Variants in PLXNA4 observed in about 807,000 individuals in gnomAD.
PLXNA4 encodes plexin A4.
Under a neutral mutation model 191.8 loss-of-function variants are expected in PLXNA4, and 44 were observed. The ratio of observed to expected loss-of-function variants is 0.23; its 90% confidence interval spans 0.18 to 0.29. The LOEUF (loss-of-function observed/expected upper bound fraction) is 0.29, where lower values mean the gene tolerates loss of function less well. Ranked by LOEUF, PLXNA4 falls within the 10% of genes least tolerant of loss-of-function variation. The probability of loss-of-function intolerance (pLI) is 1.00; values close to 1 mark genes in which losing one functional copy is unlikely to be tolerated. For missense variants in PLXNA4, 1,800 were observed against 2,488.8 expected, an observed-to-expected ratio of 0.72 and a Z score of 5.89; for synonymous variants, 1,082 against 1,009.5, an observed-to-expected ratio of 1.07 and a Z score of -1.36.
At position 132,185,361 on chromosome 7, in the gene PLXNA4, C is replaced by G; in HGVS notation, c.3096G>C (p.Leu1032=). 1 of 1,614,068 alleles carries G rather than the reference C, an allele frequency of 6.2e-7. No individual in the cohort carries two copies. Among genetic ancestry groups the G allele is most frequent in the South Asian group, 1.1e-5 (1 of 91,066 alleles). ...QVDRAKIHQD[L]VFQYVEDPTI... is the part of the protein sequence containing the mutation. ...TGGGGTCTTCCACATACTGAAAGAC[C>G]AGGTCCTGGTGGATCTTGGCCCTGT... Residue 1032 remains leucine, a synonymous_variant, in exon 16 of 32, where the codon CTG becomes CTC. Coordinates refer to ENST00000321063, the MANE Select transcript of PLXNA4 (RefSeq NM_020911.2).
intron 14 of PLXNA4, among the ~76,000 whole-genome samples, chr7:132,193,302 G>A (rs1035871507): frequency 2.0e-5 from 3 of 152,182 alleles, no homozygotes; most frequent in African/African-American, 7.2e-5. Flanking sequence ...TTTCTGCCAC[G>A]AGGTGACGCA....
At chr7:132,136,543 C>T (rs775661864) in intron 30 of PLXNA4, among the ~76,000 whole-genome samples, 2 of 152,306 alleles carry the variant, frequency 1.3e-5, no homozygotes, top group South Asian at 2.1e-4. Flanking sequence ...GTCCTGACAT[C>T]AGGCCTCTGG....
At chr7:132,224,491 T>C (rs981010359) in intron 8 of PLXNA4, among the ~76,000 whole-genome samples, 55 of 152,312 alleles carry the variant, frequency 3.6e-4, no homozygotes, top group Admixed American at 2.0e-3. Context: ...TCTACTAGTC[T>C]GTAGGCCATC....
chr7:132,291,165 C>T (rs534098440), intron 4 of PLXNA4, among the ~76,000 whole-genome samples: 4 of 152,264 alleles, frequency 2.6e-5, no homozygotes, highest in Non-Finnish European at 4.4e-5. Context: ...TGTCACATGC[C>T]GTCTCTGGCC....
intron 2 of PLXNA4, among the ~76,000 whole-genome samples, chr7:132,643,431 C>T (rs1031997672): frequency 3.3e-5 from 5 of 151,666 alleles, no homozygotes; most frequent in Non-Finnish European, 7.4e-5. Flanking sequence ...CCCCACCCCA[C>T]ACGAAGCAGC....
chr7:132,417,519 T>C (rs1265104399), intron 3 of PLXNA4, among the ~76,000 whole-genome samples: 1 of 152,194 alleles, frequency 6.6e-6, no homozygotes, highest in Admixed American at 6.5e-5. Flanking sequence ...GTTCACAAAT[T>C]CCTTGAGGGC....
chr7:132,311,819 G>A (rs1801754455), intron 3 of PLXNA4, among the ~76,000 whole-genome samples: 1 of 152,162 alleles, frequency 6.6e-6, no homozygotes. Context: ...TTTACAGTCA[G>A]AAAATCTGTT....
intron 30 of PLXNA4, among the ~76,000 whole-genome samples, chr7:132,139,934 G>GCTTGGCGTATGT (rs1483750084): frequency 1.3e-5 from 2 of 152,238 alleles, no homozygotes; most frequent in African/African-American, 4.8e-5. Flanking sequence ...GGCGTATGGA[G>GCTTGGCGTATGT]CTGATGTGGC....
At chr7:132,394,799 G>A (rs1268362578) in intron 3 of PLXNA4, among the ~76,000 whole-genome samples, 3 of 152,200 alleles carry the variant, frequency 2.0e-5, no homozygotes, top group Non-Finnish European at 4.4e-5. Context: ...GGAAGCTGCT[G>A]GTCCACCCAC....
chr7:132,234,596 T>TTGTGTGTGTGTGTGTGTGTG (rs60249306), intron 5 of PLXNA4, among the ~76,000 whole-genome samples: 22 of 144,248 alleles, frequency 1.5e-4, no homozygotes, highest in East Asian at 8.4e-4. Flanking sequence ...AGCATGTGTT[T>TTGTGTGTGTGTGTGTGTGTG]TGTGTGTGTG....
intron 3 of PLXNA4, among the ~76,000 whole-genome samples, chr7:132,483,090 G>T (rs1407828195): frequency 6.6e-6 from 1 of 152,128 alleles, no homozygotes; most frequent in Non-Finnish European, 1.5e-5. Context: ...AAGCCCAGTG[G>T]ACACATTCCC....
intron 1 of PLXNA4, among the ~76,000 whole-genome samples, chr7:132,646,317 C>T (rs1447571205): frequency 2.0e-5 from 3 of 152,170 alleles, no homozygotes; most frequent in African/African-American, 2.4e-5. Context: ...TCAGTCTCTT[C>T]CACTCAGAAC....
At chr7:132,309,742 G>T (rs1801657567) in intron 3 of PLXNA4, among the ~76,000 whole-genome samples, 1 of 152,140 alleles carries the variant, frequency 6.6e-6, no homozygotes, top group Non-Finnish European at 1.5e-5. Context: ...GAGGCCCAAA[G>T]AAAACAGAAG....
chr7:132,571,825 T>TTCAC (rs750408968), intron 1 of PLXNA4, among the ~76,000 whole-genome samples: 2 of 152,156 alleles, frequency 1.3e-5, no homozygotes, highest in Non-Finnish European at 2.9e-5. Flanking sequence ...AGATGGGAAC[T>TTCAC]TCACTCATTC....
chr7:132,194,379 G>T (rs1187972996), intron 13 of PLXNA4, among the ~76,000 whole-genome samples, 200 bp from the exon 14 acceptor site: 1 of 152,206 alleles, frequency 6.6e-6, no homozygotes, highest in East Asian at 1.9e-4. Flanking sequence ...CTGACCTATG[G>T]GATCTCCTTT....
At chr7:132,437,779 T>A (rs983384177) in intron 3 of PLXNA4, among the ~76,000 whole-genome samples, 7 of 152,012 alleles carry the variant, frequency 4.6e-5, no homozygotes, top group African/African-American at 1.7e-4. Context: ...CACAGCAACA[T>A]GAGTACACAC....
chr7:132,212,534 T>C (rs1797836636), intron 9 of PLXNA4, among the ~76,000 whole-genome samples: 1 of 152,190 alleles, frequency 6.6e-6, no homozygotes, highest in Non-Finnish European at 1.5e-5. Context: ...TGAAACTCAA[T>C]TTCCTTATCT....
chr7:132,395,333 A>G (rs936214488), intron 3 of PLXNA4, among the ~76,000 whole-genome samples: 1 of 152,134 alleles, frequency 6.6e-6, no homozygotes, highest in African/African-American at 2.4e-5. Flanking sequence ...GGCAGAAAGG[A>G]AGATGAGGAG....
At chr7:132,567,651 T>G (rs1801795158) in intron 1 of PLXNA4, among the ~76,000 whole-genome samples, 1 of 152,214 alleles carries the variant, frequency 6.6e-6, no homozygotes, top group African/African-American at 2.4e-5. Context: ...AGCAAATATT[T>G]ATCAATTGCT....
Sources: gnomAD v4.1 joint callset for allele counts (sites outside exome capture counted in the v4.1 genomes callset) on GRCh38, gnomAD v4.1.1 for gene constraint, MANE v1.5 for transcripts, NCBI Gene and HGNC (gene_info 2026-07-23, HGNC 2026-07-21) for gene names.